The following NRXN3 variants were observed in gnomAD, a reference collection of about 807,000 sequenced individuals.
The protein encoded by NRXN3 is neurexin III.
In NRXN3, 32 loss-of-function variants were observed where a neutral mutation model predicts 137.6. The ratio of observed to expected loss-of-function variants is 0.23; its 90% CI spans 0.18 to 0.31. NRXN3 has a LOEUF of 0.31. Ranked by LOEUF, NRXN3 falls within the 10% of genes least tolerant of loss-of-function variation. The pLI is 1.00. For missense variants in NRXN3, 1,574 were observed against 2,062.5 expected, an observed-to-expected ratio of 0.76 and a Z score of 4.59; for synonymous variants, 798 against 784.5, an observed-to-expected ratio of 1.02 and a Z score of -0.29.
intron 19 of NRXN3, among the ~76,000 whole-genome samples, chr14:79,704,666 A>G (rs990910627): frequency 2.0e-5 from 3 of 152,122 alleles, no homozygotes; most frequent in Non-Finnish European, 4.4e-5. Context: ...GGCGCTGAAG[A>G]TTTGTCAGTC....
At chr14:78,797,666 A>G (rs1051672238) in intron 8 of NRXN3, among the ~76,000 whole-genome samples, 2 of 152,156 alleles carry the variant, frequency 1.3e-5, no homozygotes, top group Non-Finnish European at 2.9e-5. Flanking sequence ...CAGAAGATAA[A>G]ATAATTGTAT....
chr14:78,576,518 T>G (rs2152336308), intron 4 of NRXN3, among the ~76,000 whole-genome samples: 1 of 152,326 alleles, frequency 6.6e-6, no homozygotes, highest in East Asian at 1.9e-4. Flanking sequence ...TGATCTCGGA[T>G]AGCTGGCGCT....
chr14:78,758,313 G>T (rs1354580930), intron 8 of NRXN3, among the ~76,000 whole-genome samples: 5 of 152,158 alleles, frequency 3.3e-5, no homozygotes, highest in Non-Finnish European at 4.4e-5. Flanking sequence ...TTGTAAAAGT[G>T]CTGTAATCAC....
chr14:78,329,711 T>C (rs1445699861), intron 4 of NRXN3, among the ~76,000 whole-genome samples: 2 of 152,192 alleles, frequency 1.3e-5, no homozygotes, highest in African/African-American at 4.8e-5. Context: ...GGAGAAGATA[T>C]AACTACCTCT....
In NRXN3 at chr14:79,273,863, G is replaced by A. The variant is rs200813922; in HGVS notation, c.3263-193358G>A. On this transcript the variant is annotated intron_variant, in intron 15 of 20. Coordinates refer to ENST00000335750, the MANE Select transcript of NRXN3 (RefSeq NM_001330195.2). ...TGTAATGCCAGCATTTTGAGAGTCC[G>A]AGGTGGGCAGATCACGAGGTCAGGA... is the stretch of plus-strand genomic sequence containing the variant. Among the ~76,000 whole-genome samples, 9 of 151,478 alleles carry A rather than the reference G, an allele frequency of 5.9e-5. No individual in the cohort carries two copies. The East Asian group carries it at 1.2e-3, about 20-fold the overall frequency.
chr14:79,542,897 A>C (rs1348373824), intron 16 of NRXN3, among the ~76,000 whole-genome samples: 1 of 152,102 alleles, frequency 6.6e-6, no homozygotes, highest in Non-Finnish European at 1.5e-5. Flanking sequence ...GCAAGAAAAA[A>C]AAAAAGTAAA....
intron 10 of NRXN3, among the ~76,000 whole-genome samples, chr14:78,824,156 A>G (rs1490993903): frequency 6.7e-6 from 1 of 149,026 alleles, no homozygotes; most frequent in African/African-American, 2.5e-5. Flanking sequence ...TCCTTAGGAA[A>G]GAATCCTGGT....
At chr14:79,282,279 T>C (rs2081401731) in intron 15 of NRXN3, among the ~76,000 whole-genome samples, 1 of 152,112 alleles carries the variant, frequency 6.6e-6, no homozygotes. Flanking sequence ...AGACTGTTAC[T>C]AATAGCCATA....
intron 15 of NRXN3, among the ~76,000 whole-genome samples, chr14:79,031,842 C>G (rs1041054887): frequency 6.6e-6 from 1 of 152,142 alleles, no homozygotes; most frequent in Non-Finnish European, 1.5e-5. Context: ...ATCAAATTAT[C>G]TCCAGTTTTT....
chr14:79,575,119 T>C (rs1217280145), intron 16 of NRXN3, among the ~76,000 whole-genome samples: 1 of 152,202 alleles, frequency 6.6e-6, no homozygotes, highest in African/African-American at 2.4e-5. Context: ...GCAATCCGTC[T>C]GATAAGGGAA....
intron 15 of NRXN3, among the ~76,000 whole-genome samples, chr14:79,448,677 C>T (rs1027945370): frequency 1.3e-5 from 2 of 152,130 alleles, no homozygotes; most frequent in African/African-American, 4.8e-5. Context: ...AGCATTTGAG[C>T]TTTTAGATAC....
At chr14:78,996,608 G>A (rs993753618) in intron 15 of NRXN3, among the ~76,000 whole-genome samples, 1 of 152,020 alleles carries the variant, frequency 6.6e-6, no homozygotes, top group Non-Finnish European at 1.5e-5. Flanking sequence ...TTAAATGAGG[G>A]CATTTAAAGT....
At chr14:78,220,869 C>T (rs1854353907) in intron 1 of NRXN3, among the ~76,000 whole-genome samples, 1 of 151,870 alleles carries the variant, frequency 6.6e-6, no homozygotes, top group Non-Finnish European at 1.5e-5. Context: ...GACTAAAAAC[C>T]TCAATTTTTT....
At chr14:78,296,381 A>G (rs2076339971) in intron 3 of NRXN3, among the ~76,000 whole-genome samples, 1 of 152,154 alleles carries the variant, frequency 6.6e-6, no homozygotes, top group Non-Finnish European at 1.5e-5. Context: ...TACTGAATTC[A>G]TACACCTGTT....
intron 15 of NRXN3, among the ~76,000 whole-genome samples, chr14:79,097,168 T>A (rs557337818): frequency 6.6e-6 from 1 of 152,086 alleles, no homozygotes; most frequent in Admixed American, 6.6e-5. Flanking sequence ...ACTTATCACC[T>A]GCAACATGCT....
At chr14:78,309,627 G>A (rs187872890) in intron 4 of NRXN3, among the ~76,000 whole-genome samples, 62 of 152,172 alleles carry the variant, frequency 4.1e-4, no homozygotes, top group Admixed American at 1.8e-3. Flanking sequence ...ACTTCTCAGA[G>A]CCTTTGTTAT....
chr14:78,327,351 G>A (rs530274193), intron 4 of NRXN3, among the ~76,000 whole-genome samples: 3 of 152,258 alleles, frequency 2.0e-5, no homozygotes, highest in South Asian at 4.1e-4. Flanking sequence ...AATCCTAGGT[G>A]AAGCAAACAA....
chr14:78,358,087 C>G (rs957066154), intron 4 of NRXN3, among the ~76,000 whole-genome samples: 9 of 152,144 alleles, frequency 5.9e-5, no homozygotes, highest in African/African-American at 2.2e-4. Context: ...GGGCACTACT[C>G]TTACTGGTTT....
At chr14:79,317,517 T>C (rs1312733059) in intron 15 of NRXN3, among the ~76,000 whole-genome samples, 1 of 152,124 alleles carries the variant, frequency 6.6e-6, no homozygotes, top group Non-Finnish European at 1.5e-5. Context: ...TCTTAGCTGA[T>C]TACATCTGTA....
Sources: gnomAD v4.1 joint callset for allele counts (sites outside exome capture counted in the v4.1 genomes callset) on GRCh38, gnomAD v4.1.1 for gene constraint, MANE v1.5 for transcripts, NCBI Gene and HGNC (gene_info 2026-07-23, HGNC 2026-07-21) for gene names.